CSMD1: variants seen among roughly 807,000 people sequenced by gnomAD.
CSMD1 encodes CUB and sushi domain-containing protein 1.
Under a neutral mutation model 417.5 loss-of-function variants are expected in CSMD1, and 213 were observed. That is an observed-to-expected ratio of 0.51 (90% confidence interval 0.46 to 0.57). CSMD1 has a LOEUF of 0.57. Ranked by LOEUF, CSMD1 falls within the 20% of genes least tolerant of loss-of-function variation. CSMD1 has a pLI of 0.00. For synonymous variants in CSMD1, 2,862 were observed against 1,736.8 expected (o/e 1.65, Z -16.11); for missense variants, 6,923 against 4,529.7 (o/e 1.53, Z -15.17).
At chr8:4,106,547 C>T (rs1216908480) in intron 3 of CSMD1, among the ~76,000 whole-genome samples, 2 of 151,790 alleles carry the variant, frequency 1.3e-5, no homozygotes, top group African/African-American at 2.4e-5. Context: ...TTAAGAGAAG[C>T]CACATTAAAA....
intron 5 of CSMD1, among the ~76,000 whole-genome samples, chr8:3,942,385 C>G (rs1242759840): frequency 2.6e-5 from 4 of 152,104 alleles, no homozygotes; most frequent in Admixed American, 2.0e-4. Flanking sequence ...AACCCAAGCA[C>G]CTTTTCTCAA....
At chr8:3,356,055 T>C (rs1279459107) in intron 21 of CSMD1, among the ~76,000 whole-genome samples, 4 of 152,068 alleles carry the variant, frequency 2.6e-5, no homozygotes, top group Admixed American at 2.6e-4. Context: ...GAGAGAGAAA[T>C]AGTTCTCAGC....
At chr8:3,029,248 A>G (rs779200549) in intron 51 of CSMD1, 71 bp downstream of exon 51, 2 of 1,281,410 alleles carry the variant, frequency 1.6e-6, no homozygotes, top group Non-Finnish European at 2.1e-6. Context: ...AGAGAAGCTC[A>G]CCACTGACAT....
At chr8:3,557,123 C>G (rs902938221) in intron 10 of CSMD1, among the ~76,000 whole-genome samples, 3 of 152,192 alleles carry the variant, frequency 2.0e-5, no homozygotes, top group Non-Finnish European at 4.4e-5. Flanking sequence ...TTACCCACGA[C>G]TGAGCTTCAC....
intron 12 of CSMD1, among the ~76,000 whole-genome samples, chr8:3,465,142 G>C (rs566710901): frequency 1.3e-5 from 2 of 152,182 alleles, no homozygotes; most frequent in Admixed American, 6.5e-5. Flanking sequence ...TGCTGCTGGG[G>C]CCTCACCAGC....
intron 41 of CSMD1, among the ~76,000 whole-genome samples, chr8:3,131,007 T>C (rs1372242049): frequency 6.6e-6 from 1 of 152,244 alleles, no homozygotes; most frequent in Non-Finnish European, 1.5e-5. Context: ...GATAGTTTCT[T>C]ACGGTCCTCC....
At chr8:4,592,659 T>A in intron 2 of CSMD1, among the ~76,000 whole-genome samples, 1 of 152,194 alleles carries the variant, frequency 6.6e-6, no homozygotes, top group Non-Finnish European at 1.5e-5. Flanking sequence ...AGTGCTAGGA[T>A]TACCAGCGTG....
rs189379547 is a variant in CSMD1 at position 3,490,666 on chromosome 8, C to G, written c.1448+2957G>C. Among the ~76,000 whole-genome samples the G allele has an allele frequency of 4.5e-4, 69 of 152,128 alleles. 2 individuals are homozygous for G. The highest frequency in any genetic ancestry group is 1.6e-3 in the African/African-American group (68 of 41,514). Reference sequence around the variant, plus strand: ...GGCAGAGAGAAGGAAAATGACTTCCCTCAGGGTCATGGGGATAGCAAATAG... The same window carrying G: ...GGCAGAGAGAAGGAAAATGACTTCCGTCAGGGTCATGGGGATAGCAAATAG... On this transcript the variant is annotated intron_variant, in intron 11 of 69. Coordinates refer to ENST00000635120, the MANE Select transcript of CSMD1 (RefSeq NM_033225.6).
At chr8:3,058,416 A>G (rs769821113) in intron 49 of CSMD1, among the ~76,000 whole-genome samples, 9 of 152,186 alleles carry the variant, frequency 5.9e-5, no homozygotes, top group Non-Finnish European at 1.0e-4. Context: ...AATCATTACA[A>G]TTTGCATTAC....
At chr8:4,039,788 T>C (rs1475822488) in intron 3 of CSMD1, among the ~76,000 whole-genome samples, 1 of 152,150 alleles carries the variant, frequency 6.6e-6, no homozygotes, top group African/African-American at 2.4e-5. Context: ...TATAGAAAAG[T>C]ATATGGCACA....
chr8:4,029,107 G>C (rs376454457), intron 4 of CSMD1, among the ~76,000 whole-genome samples: 3 of 152,126 alleles, frequency 2.0e-5, no homozygotes, highest in Non-Finnish European at 2.9e-5. Flanking sequence ...TGGTCAAGGA[G>C]TGTTTGTAAT....
chr8:3,256,778 T>C (rs948209887), intron 26 of CSMD1, among the ~76,000 whole-genome samples: 2 of 152,248 alleles, frequency 1.3e-5, no homozygotes, highest in African/African-American at 4.8e-5. Context: ...GTGTATGTTA[T>C]TTAACCAAAG....
chr8:4,924,201 C>T lies in CSMD1; in HGVS notation c.85+70131G>A, dbSNP rs141057767. 3.9e-5 allele frequency among the ~76,000 whole-genome samples: 6 copies of T among 152,210 alleles called. No homozygotes were observed. The East Asian group carries it at 9.7e-4, about 25-fold the overall frequency. ...TCTCTGCTAGAAAAAAATGTAGGAT[C>T]CACTTTGAGTTATGATCATGTAAGT... On this transcript the variant is annotated intron_variant, in intron 1 of 69. Transcript: ENST00000635120.
intron 1 of CSMD1, among the ~76,000 whole-genome samples, chr8:4,883,255 T>C (rs76582102): frequency 0.021 from 3,197 of 152,176 alleles, 136 homozygotes; most frequent in African/African-American, 0.072. Context: ...GATAAGAGAA[T>C]GATGAAAGCT....
intron 1 of CSMD1, among the ~76,000 whole-genome samples, chr8:4,908,337 A>T (rs1450364133): frequency 4.6e-5 from 7 of 151,790 alleles, no homozygotes; most frequent in Non-Finnish European, 4.4e-5. Flanking sequence ...AGGTGTAGAT[A>T]ATTTGGGATT....
intron 5 of CSMD1, among the ~76,000 whole-genome samples, chr8:3,976,575 A>C (rs1249848050): frequency 6.6e-6 from 1 of 152,236 alleles, no homozygotes; most frequent in Non-Finnish European, 1.5e-5. Flanking sequence ...CAATTAAGAC[A>C]AAGTAAAACC....
intron 29 of CSMD1, among the ~76,000 whole-genome samples, chr8:3,216,080 T>G (rs1235140161): frequency 6.7e-6 from 1 of 150,032 alleles, no homozygotes; most frequent in African/African-American, 2.4e-5. Flanking sequence ...GTTTTCTCAT[T>G]TAAGAATTTG....
chr8:3,425,354 C>G (rs576571657), intron 12 of CSMD1, among the ~76,000 whole-genome samples: 6 of 151,854 alleles, frequency 4.0e-5, no homozygotes, highest in African/African-American at 1.4e-4. Flanking sequence ...CTTTGGGAGG[C>G]TGAGGTGCGT....
intron 1 of CSMD1, among the ~76,000 whole-genome samples, chr8:4,641,140 A>G (rs1803164744): frequency 6.6e-6 from 1 of 151,576 alleles, no homozygotes; most frequent in African/African-American, 2.4e-5. Context: ...AATTGCATGG[A>G]TACCAAAATA....
Sources: gnomAD v4.1 joint callset for allele counts (sites outside exome capture counted in the v4.1 genomes callset) on GRCh38, gnomAD v4.1.1 for gene constraint, MANE v1.5 for transcripts, NCBI Gene and HGNC (gene_info 2026-07-23, HGNC 2026-07-21) for gene names.